SGCZ: variants seen among roughly 807,000 people sequenced by gnomAD.
SGCZ encodes the protein zeta-sarcoglycan.
A neutral mutation model predicts 41.3 loss-of-function variants in SGCZ; 40 were observed. That is an observed-to-expected ratio of 0.97 (90% CI 0.75 to 1.26). The LOEUF (loss-of-function observed/expected upper bound fraction) is 1.26, where lower values mean the gene tolerates loss of function less well. Ranked by LOEUF, SGCZ falls within the 50% of genes most tolerant of loss-of-function variation. The pLI, the probability that SGCZ is intolerant of heterozygous loss-of-function variation, is 0.00. For missense variants in SGCZ, 552 were observed against 369.8 expected (o/e 1.49, Z -4.04); for synonymous variants, 206 against 137.5 (o/e 1.50, Z -3.49).
intron 1 of SGCZ, among the ~76,000 whole-genome samples, chr8:15,108,176 G>T (rs1585569776): frequency 6.6e-6 from 1 of 151,906 alleles, no homozygotes; most frequent in Non-Finnish European, 1.5e-5. Context: ...CGTTAATTTT[G>T]CTGCTCTTTT....
intron 3 of SGCZ, among the ~76,000 whole-genome samples, chr8:14,252,424 T>C (rs1360447786): frequency 2.0e-5 from 3 of 152,208 alleles, no homozygotes; most frequent in South Asian, 4.1e-4. Flanking sequence ...AATTTTAATA[T>C]TCTGTATCTG....
chr8:15,165,150 C>A (rs1187076851), intron 1 of SGCZ, among the ~76,000 whole-genome samples: 1 of 152,022 alleles, frequency 6.6e-6, no homozygotes, highest in African/African-American at 2.4e-5. Context: ...ATTAGCCAGG[C>A]GTGGTGGTAC....
At chr8:14,967,578 G>A (rs989944646) in intron 1 of SGCZ, among the ~76,000 whole-genome samples, 5 of 151,988 alleles carry the variant, frequency 3.3e-5, no homozygotes, top group African/African-American at 7.3e-5. Flanking sequence ...TCTCAAACTC[G>A]CCACGTCTGA....
chr8:14,365,027 A>G (rs1803646893), intron 2 of SGCZ, among the ~76,000 whole-genome samples: 1 of 152,080 alleles, frequency 6.6e-6, no homozygotes, highest in South Asian at 2.1e-4. Flanking sequence ...TTTCTATGGT[A>G]AAATGTACAT....
At chr8:14,615,860 C>G (rs1381095771) in intron 1 of SGCZ, among the ~76,000 whole-genome samples, 1 of 152,160 alleles carries the variant, frequency 6.6e-6, no homozygotes, top group African/African-American at 2.4e-5. Flanking sequence ...TTCATTTCAT[C>G]CCATTCAATT....
At chr8:14,218,713 C>T (rs186338049) in intron 4 of SGCZ, among the ~76,000 whole-genome samples, 180 of 152,232 alleles carry the variant, frequency 1.2e-3, no homozygotes, top group African/African-American at 3.9e-3. Flanking sequence ...GAGCAAACTC[C>T]GGCCATTTTC....
chr8:14,939,416 T>A (rs183179242), intron 1 of SGCZ, among the ~76,000 whole-genome samples: 8 of 152,254 alleles, frequency 5.3e-5, no homozygotes, highest in African/African-American at 1.9e-4. Flanking sequence ...CCTAAATTAA[T>A]GCTTCCTATT....
chr8:15,117,307 C>G (rs889999540), intron 1 of SGCZ, among the ~76,000 whole-genome samples: 1 of 150,806 alleles, frequency 6.6e-6, no homozygotes, highest in African/African-American at 2.4e-5. Context: ...CGCGGTGAGC[C>G]GAGATCACAC....
intron 2 of SGCZ, among the ~76,000 whole-genome samples, chr8:14,452,418 G>C (rs1433005447): frequency 6.6e-6 from 1 of 152,058 alleles, no homozygotes; most frequent in East Asian, 1.9e-4. Flanking sequence ...CTCAAAGAAT[G>C]TGCAATTCCA....
chr8:14,310,654 G>A (rs981351004), intron 3 of SGCZ, among the ~76,000 whole-genome samples: 1 of 152,092 alleles, frequency 6.6e-6, no homozygotes, highest in Non-Finnish European at 1.5e-5. Context: ...ATACAAAACT[G>A]TAAATAAAAT....
At chr8:14,815,071 G>A (rs1801861766) in intron 1 of SGCZ, among the ~76,000 whole-genome samples, 2 of 151,920 alleles carry the variant, frequency 1.3e-5, no homozygotes, top group Non-Finnish European at 1.5e-5. Flanking sequence ...TTTATTTATT[G>A]GAGCAATTTG....
intron 1 of SGCZ, among the ~76,000 whole-genome samples, chr8:14,838,623 C>G (rs1303018594): frequency 6.6e-6 from 1 of 152,164 alleles, no homozygotes; most frequent in Non-Finnish European, 1.5e-5. Flanking sequence ...AGTGAAGGCT[C>G]TAGCCTCTGA....
At chr8:14,630,633 A>C (rs925589158) in intron 1 of SGCZ, among the ~76,000 whole-genome samples, 2 of 152,036 alleles carry the variant, frequency 1.3e-5, no homozygotes, top group South Asian at 2.1e-4. Flanking sequence ...AAATGTCCAA[A>C]AATGATAGAC....
chr8:14,370,174 T>C (rs1188398099), intron 2 of SGCZ, among the ~76,000 whole-genome samples: 8 of 151,872 alleles, frequency 5.3e-5, no homozygotes, highest in Non-Finnish European at 1.0e-4. Flanking sequence ...GAGTTTTAAA[T>C]AGGAAAGACT....
At chr8:15,229,557 G>A (rs1169466021) in intron 1 of SGCZ, among the ~76,000 whole-genome samples, 1 of 152,186 alleles carries the variant, frequency 6.6e-6, no homozygotes, top group African/African-American at 2.4e-5. Context: ...GTAGTAAGAA[G>A]AGATAGAATT....
At chr8:15,063,813 TA>T (rs1281907272) in intron 1 of SGCZ, among the ~76,000 whole-genome samples, 1 of 152,214 alleles carries the variant, frequency 6.6e-6, no homozygotes, top group African/African-American at 2.4e-5. Flanking sequence ...TTAGTACTTT[TA>T]AAATTTAACT....
chr8:14,395,159 C>A (rs969963843), intron 2 of SGCZ, among the ~76,000 whole-genome samples: 1 of 152,194 alleles, frequency 6.6e-6, no homozygotes, highest in Non-Finnish European at 1.5e-5. Context: ...CTCTCATCAT[C>A]TAGATAATAT....
rs547126815 is a variant in SGCZ, at chr8:15,091,580, T to C, written c.39+146005A>G. 5.8e-4 allele frequency among the ~76,000 whole-genome samples: 88 copies of C among 152,248 alleles called. 1 individual carries two copies. The highest frequency in any genetic ancestry group is 1.2e-3 in the South Asian group (6 of 4,818). ...AATCACCAAAGCACCGTGTTAAAAG[T>C]GGAAATTCAAATTCTATCACACATC... On this transcript the variant is annotated intron_variant, in intron 1 of 7. Transcript: ENST00000382080.
chr8:14,672,117 T>C (rs1393360780), intron 1 of SGCZ, among the ~76,000 whole-genome samples: 1 of 152,172 alleles, frequency 6.6e-6, no homozygotes, highest in Non-Finnish European at 1.5e-5. Context: ...TGCGGGAATT[T>C]AAAAAGAACT....
Sources: gnomAD v4.1 joint callset for allele counts (sites outside exome capture counted in the v4.1 genomes callset) on GRCh38, gnomAD v4.1.1 for gene constraint, MANE v1.5 for transcripts, NCBI Gene and HGNC (gene_info 2026-07-23, HGNC 2026-07-21) for gene names.